Variants in PCDHA4 observed in about 807,000 individuals in gnomAD.
The protein encoded by PCDHA4 is protocadherin alpha-4.
PCDHA4 carries 49 observed loss-of-function variants against 61.4 expected under a neutral mutation model. The ratio of observed to expected loss-of-function variants is 0.80; its 90% CI spans 0.63 to 1.01. The LOEUF (loss-of-function observed/expected upper bound fraction) is 1.01. Among genes scored for constraint, PCDHA4 ranks in the 50% least tolerant of loss-of-function variants. PCDHA4 has a pLI of 0.00. For missense variants in PCDHA4, 1,254 were observed against 1,235.8 expected (o/e 1.01, Z -0.22); for synonymous variants, 590 against 550.3 (o/e 1.07, Z -1.01).
chr5:140,946,574 G>A (rs246054), intron 1 of PCDHA4, among the ~76,000 whole-genome samples: 79,382 of 143,554 alleles, frequency 0.55, 22,609 homozygotes, highest in African/African-American at 0.68. Context: ...AATCAACTTA[G>A]GTGTTCATAG....
At position 140,968,115 on chromosome 5, in the gene PCDHA4, C is replaced by T. The variant is rs199565711; in HGVS notation, c.2386-10834C>T. On this transcript the variant is annotated intron_variant, in intron 1 of 3. Coordinates refer to ENST00000530339, the MANE Select transcript of PCDHA4 (RefSeq NM_018907.4). ...ACAGATGGGGGAATACCGCAGCTCACATCCCTGCGTACACTGAAGGTTGAG... is the reference window on the plus strand; with the variant it reads ...ACAGATGGGGGAATACCGCAGCTCATATCCCTGCGTACACTGAAGGTTGAG... 8.7e-6 allele frequency: 14 copies of T among 1,614,068 alleles called. No individual in the cohort carries two copies. In the Admixed American group the frequency reaches 1.2e-4, roughly 13 times the overall value.
intron 3 of PCDHA4, among the ~76,000 whole-genome samples, chr5:141,008,498 T>G (rs2098379874): frequency 6.6e-6 from 1 of 152,158 alleles, no homozygotes. Context: ...CTGGTATACT[T>G]TATGGTGTGT....
Position 140,813,822 on chromosome 5 carries a change from C to A in PCDHA4, c.2385+4250C>A, listed in dbSNP as rs1288499833. The A allele has an allele frequency of 2.6e-5, 4 of 152,006 alleles. No homozygotes were observed. In the East Asian group the frequency reaches 5.8e-4, roughly 22 times the overall value. 9.4% of individuals were successfully genotyped at this position (152,006 alleles called of 1,614,324 possible). On this transcript the variant is annotated intron_variant, in intron 1 of 3. Coordinates refer to ENST00000530339, the MANE Select transcript of PCDHA4 (RefSeq NM_018907.4). The stretch of plus-strand genomic sequence containing the variant: ...ACCAGCCTGGGCAATATAGTGAGAC[C>A]CTGTCTCTAGAAAATAATTTTTAAA...
chr5:140,857,059 G>A lies in PCDHA4; in HGVS notation c.2385+47487G>A. On this transcript the variant is annotated intron_variant, in intron 1 of 3. Transcript: ENST00000530339. The stretch of plus-strand genomic sequence containing the variant: ...TGGTTGGTCACTGCACGGTCCTAGT[G>A]GAACTACTGGATGAAAATGATAATT... The A allele has an allele frequency of 4.4e-6, 7 of 1,594,522 alleles. 2 individuals are homozygous for A. The highest frequency in any genetic ancestry group is 6.0e-6 in the Non-Finnish European group (7 of 1,164,610).
At chr5:140,839,954 T>G (rs1241310286) in intron 1 of PCDHA4, among the ~76,000 whole-genome samples, 1 of 151,716 alleles carries the variant, frequency 6.6e-6, no homozygotes, top group Non-Finnish European at 1.5e-5. Context: ...AGACAACATA[T>G]TTTCTGTAAA....
At chr5:140,883,313 G>A (rs1469839417) in intron 1 of PCDHA4, 2 of 1,614,000 alleles carry the variant, frequency 1.2e-6, no homozygotes, top group African/African-American at 2.7e-5. Flanking sequence ...TAACGCCCCA[G>A]AGGTTACCAT....
At chr5:140,829,846 G>C in intron 1 of PCDHA4, 1 of 1,613,940 alleles carries the variant, frequency 6.2e-7, no homozygotes. Flanking sequence ...CGCGGTCACT[G>C]GGTGCAGGCC....
intron 1 of PCDHA4, among the ~76,000 whole-genome samples, chr5:140,897,748 C>G (rs565250286): frequency 6.6e-5 from 10 of 152,214 alleles, no homozygotes; most frequent in Non-Finnish European, 1.5e-4. Flanking sequence ...GTTCTAGATC[C>G]CTGAGGAATC....
chr5:140,851,183 C>A, intron 1 of PCDHA4: 2 of 1,240,836 alleles, frequency 1.6e-6, no homozygotes, highest in Non-Finnish European at 1.0e-6. Context: ...ACTTGAAAAC[C>A]AATTTAGTTG....
chr5:140,828,368 G>T, intron 1 of PCDHA4: 1 of 1,614,288 alleles, frequency 6.2e-7, no homozygotes, highest in African/African-American at 1.3e-5. Flanking sequence ...GATCGACCGC[G>T]AGGAGCTGTG....
chr5:140,870,898 G>A (rs781950776), intron 1 of PCDHA4: 124 of 1,613,858 alleles, frequency 7.7e-5, no homozygotes, highest in Non-Finnish European at 1.0e-4. Flanking sequence ...AGTGGATGCG[G>A]ACTCAGGCTA....
chr5:140,842,934 G>A (rs2150348030), intron 1 of PCDHA4: 3 of 1,594,530 alleles, frequency 1.9e-6, no homozygotes, highest in Non-Finnish European at 2.6e-6. Context: ...GTGAGCGCGC[G>A]CGACGCGGGC....
At chr5:140,954,781 T>A (rs1312700733) in intron 1 of PCDHA4, among the ~76,000 whole-genome samples, 1 of 152,208 alleles carries the variant, frequency 6.6e-6, no homozygotes, top group Non-Finnish European at 1.5e-5. Flanking sequence ...TTTAATTAGA[T>A]CTCATTTGTC....
At chr5:140,896,089 G>GGATTA (rs2065370419) in intron 1 of PCDHA4, among the ~76,000 whole-genome samples, 1 of 152,010 alleles carries the variant, frequency 6.6e-6, no homozygotes, top group Non-Finnish European at 1.5e-5. Flanking sequence ...GGGATTACAG[G>GGATTA]CGTGAGCCAC....
At chr5:140,895,691 T>C (rs571770501) in intron 1 of PCDHA4, among the ~76,000 whole-genome samples, 3 of 152,322 alleles carry the variant, frequency 2.0e-5, no homozygotes, top group South Asian at 4.1e-4. Flanking sequence ...TCTGTTTCTA[T>C]ATTAATTCAC....
At chr5:140,868,636 TCTCA>T (rs1554162146) in intron 1 of PCDHA4, 1 of 156,044 alleles carries the variant, frequency 6.4e-6, no homozygotes, top group East Asian at 1.9e-4. Flanking sequence ...TCTCTTTCTC[TCTCA>T]CTCTGTGTAT....
intron 1 of PCDHA4, chr5:140,850,781 G>A: frequency 6.3e-7 from 1 of 1,598,212 alleles, no homozygotes; most frequent in East Asian, 2.2e-5. Context: ...GCTCTGGCGA[G>A]GGTAAGCAGA....
chr5:140,971,290 A>G (rs2096467357), intron 1 of PCDHA4, among the ~76,000 whole-genome samples: 1 of 152,204 alleles, frequency 6.6e-6, no homozygotes, highest in East Asian at 1.9e-4. Context: ...ATTAATATGT[A>G]CTTTGGTACA....
At chr5:140,862,494 G>A (rs1008951764) in intron 1 of PCDHA4, 2 of 389,834 alleles carry the variant, frequency 5.1e-6, no homozygotes, top group South Asian at 2.0e-5. Context: ...GTAATCGCTC[G>A]GAATGGGGAC....
Sources: gnomAD v4.1 joint callset for allele counts (sites outside exome capture counted in the v4.1 genomes callset) on GRCh38, gnomAD v4.1.1 for gene constraint, MANE v1.5 for transcripts, NCBI Gene and HGNC (gene_info 2026-07-23, HGNC 2026-07-21) for gene names.